Variants in HS6ST3 observed in about 807,000 individuals in gnomAD.
HS6ST3 encodes heparan sulfate 6-O-sulfotransferase 3, also known as heparan-sulfate 6-O-sulfotransferase 3.
A neutral mutation model predicts 36.7 loss-of-function variants in HS6ST3; 12 were observed. That is an observed-to-expected ratio of 0.33 (90% confidence interval 0.21 to 0.53). HS6ST3 has a LOEUF of 0.53. Among genes scored for constraint, HS6ST3 ranks in the 20% least tolerant of loss-of-function variants. The pLI, the probability that HS6ST3 is intolerant of heterozygous loss-of-function variation, is 0.95. For missense variants in HS6ST3, 584 were observed against 640.9 expected (o/e 0.91, Z 0.96); for synonymous variants, 240 against 257.5 (o/e 0.93, Z 0.65).
At chr13:96,285,092 C>T (rs1472036321) in intron 1 of HS6ST3, among the ~76,000 whole-genome samples, 1 of 152,038 alleles carries the variant, frequency 6.6e-6, no homozygotes, top group Non-Finnish European at 1.5e-5. Flanking sequence ...TTCATCGCTT[C>T]ATGATCTTTG....
At chr13:96,829,925 T>A (rs964102875) in intron 1 of HS6ST3, among the ~76,000 whole-genome samples, 2 of 152,200 alleles carry the variant, frequency 1.3e-5, no homozygotes, top group Non-Finnish European at 2.9e-5. Context: ...TCAGACATCC[T>A]TTGATTTAAA....
intron 1 of HS6ST3, among the ~76,000 whole-genome samples, chr13:96,343,950 G>T (rs189065876): frequency 1.9e-3 from 283 of 152,216 alleles, no homozygotes; most frequent in African/African-American, 6.4e-3. Context: ...CACCGTGTTA[G>T]CCAGGATGGT....
chr13:96,803,400 G>T (rs1438141628), intron 1 of HS6ST3, among the ~76,000 whole-genome samples: 2 of 151,952 alleles, frequency 1.3e-5, no homozygotes, highest in African/African-American at 4.8e-5. Flanking sequence ...ATCCTTTAAG[G>T]CCACTAGAGC....
At position 96,112,594 on chromosome 13, in the gene HS6ST3, T is replaced by C. The variant is rs1298616739; in HGVS notation, c.707+21025T>C. Among the ~76,000 whole-genome samples the C allele has an allele frequency of 7.4e-3, 508 of 68,348 alleles. 46 individuals are homozygous for C. The highest frequency in any genetic ancestry group is 0.027 in the East Asian group (61 of 2,298). The allele number at this position is 68,348 out of a possible 152,430, so 44.8% of individuals were successfully genotyped here. A position where few individuals can be genotyped will look rare whatever the true frequency, so the allele number is the denominator to read the frequency against. On this transcript the variant is annotated intron_variant, in intron 1 of 1. Transcript: ENST00000376705. ...AAATAAATAAATATATATATATATA[T>C]ATATATATATATATATATATATATA... is the stretch of plus-strand genomic sequence containing the variant.
chr13:96,748,438 C>T (rs1253082225), intron 1 of HS6ST3, among the ~76,000 whole-genome samples: 2 of 152,076 alleles, frequency 1.3e-5, no homozygotes, highest in East Asian at 1.9e-4. Context: ...AGCAAAAGTC[C>T]TAAGTTAATA....
intron 1 of HS6ST3, among the ~76,000 whole-genome samples, chr13:96,370,500 C>G (rs781663377): frequency 6.6e-6 from 1 of 152,146 alleles, no homozygotes; most frequent in Non-Finnish European, 1.5e-5. Context: ...AGCTTAAGAA[C>G]TAGAGTGTTA....
intron 1 of HS6ST3, among the ~76,000 whole-genome samples, chr13:96,828,462 A>G (rs1878697988): frequency 6.6e-6 from 1 of 152,070 alleles, no homozygotes; most frequent in Non-Finnish European, 1.5e-5. Flanking sequence ...AACACATACT[A>G]GGTTGAGTTT....
chr13:96,168,972 C>T (rs565065072), intron 1 of HS6ST3, among the ~76,000 whole-genome samples: 3 of 152,110 alleles, frequency 2.0e-5, no homozygotes, highest in South Asian at 2.1e-4. Flanking sequence ...TATTATTAGC[C>T]GATCTGATTA....
At chr13:96,285,804 A>G (rs2054798963) in intron 1 of HS6ST3, among the ~76,000 whole-genome samples, 1 of 152,072 alleles carries the variant, frequency 6.6e-6, no homozygotes, top group South Asian at 2.1e-4. Context: ...TCAAGCATGG[A>G]TAGATCCAGG....
chr13:96,545,917 G>A lies in HS6ST3; in HGVS notation c.708-286573G>A, dbSNP rs533850395. ...GAACTCTACATTTTGAACAGACAGG[G>A]CATGTCTGTCTTATTTATGTTTGTA... On this transcript the variant is annotated intron_variant, in intron 1 of 1. Transcript: ENST00000376705. Among the ~76,000 whole-genome samples the A allele has an allele frequency of 1.8e-3, 271 of 152,196 alleles. 3 individuals are homozygous for A. The highest frequency in any genetic ancestry group is 6.0e-3 in the African/African-American group (251 of 41,548).
At chr13:96,830,607 G>A (rs568264826) in intron 1 of HS6ST3, among the ~76,000 whole-genome samples, 152 of 152,272 alleles carry the variant, frequency 1.0e-3, no homozygotes, top group African/African-American at 3.5e-3. Flanking sequence ...CCCTCTGGAC[G>A]CCAGGTTGAG....
chr13:96,702,941 G>A (rs942070659), intron 1 of HS6ST3, among the ~76,000 whole-genome samples: 21 of 152,308 alleles, frequency 1.4e-4, no homozygotes, highest in African/African-American at 4.3e-4. Context: ...ACAGCATACA[G>A]TGTTGTTATT....
chr13:96,557,193 C>G (rs1233271193), intron 1 of HS6ST3, among the ~76,000 whole-genome samples: 1 of 152,168 alleles, frequency 6.6e-6, no homozygotes, highest in Non-Finnish European at 1.5e-5. Context: ...TGTACCCTTG[C>G]AAGTACCTGT....
At chr13:96,710,498 G>C (rs1455323508) in intron 1 of HS6ST3, among the ~76,000 whole-genome samples, 1 of 152,256 alleles carries the variant, frequency 6.6e-6, no homozygotes, top group Admixed American at 6.5e-5. Context: ...GTGAACACAA[G>C]TAACAGTAGA....
At chr13:96,241,174 C>T (rs187220598) in intron 1 of HS6ST3, among the ~76,000 whole-genome samples, 191 of 150,798 alleles carry the variant, frequency 1.3e-3, no homozygotes, top group Non-Finnish European at 2.2e-3. Context: ...ATGAAAGAAA[C>T]GCCTAATAGA....
At chr13:96,590,917 G>C (rs988992402) in intron 1 of HS6ST3, among the ~76,000 whole-genome samples, 1 of 152,082 alleles carries the variant, frequency 6.6e-6, no homozygotes, top group Non-Finnish European at 1.5e-5. Context: ...TGGATATCCA[G>C]TTTATCAAGT....
intron 1 of HS6ST3, among the ~76,000 whole-genome samples, chr13:96,278,804 A>C (rs144126032): frequency 3.3e-4 from 50 of 152,330 alleles, no homozygotes; most frequent in African/African-American, 1.2e-3. Context: ...TGATTTGAGC[A>C]GTATTTTAGA....
intron 1 of HS6ST3, among the ~76,000 whole-genome samples, chr13:96,743,420 G>A (rs1174025729): frequency 6.6e-6 from 1 of 152,068 alleles, no homozygotes; most frequent in African/African-American, 2.4e-5. Flanking sequence ...CTGCTCATTT[G>A]TGTTGGGAAG....
At chr13:96,401,533 T>C (rs2055451135) in intron 1 of HS6ST3, among the ~76,000 whole-genome samples, 1 of 152,206 alleles carries the variant, frequency 6.6e-6, no homozygotes, top group Non-Finnish European at 1.5e-5. Context: ...GTTACAATTG[T>C]CACAAGTATA....
Sources: allele counts gnomAD v4.1 joint callset (sites outside exome capture counted in the v4.1 genomes callset), GRCh38; gene constraint gnomAD v4.1.1; transcripts MANE v1.5; gene names NCBI Gene and HGNC (gene_info 2026-07-23, HGNC 2026-07-21).